The following SCARA5 variants were observed in gnomAD, a reference collection of about 807,000 sequenced individuals.
The protein encoded by SCARA5 is scavenger receptor class A member 5.
SCARA5 carries 45 observed loss-of-function variants against 46.3 expected under a neutral mutation model. The ratio of observed to expected loss-of-function variants is 0.97; its 90% confidence interval spans 0.76 to 1.24. The LOEUF (loss-of-function observed/expected upper bound fraction) is 1.24. SCARA5 is among the 50% of genes most tolerant of loss of function. The pLI, the probability that SCARA5 is intolerant of heterozygous loss-of-function variation, is 0.00. For synonymous variants in SCARA5, 333 were observed against 306.5 expected (o/e 1.09, Z -0.90); for missense variants, 680 against 689.0 (o/e 0.99, Z 0.15).
chr8:27,947,755 A>G (rs964285211), intron 3 of SCARA5, among the ~76,000 whole-genome samples: 4 of 151,112 alleles, frequency 2.6e-5, no homozygotes, highest in Non-Finnish European at 5.9e-5. Flanking sequence ...CATGCCTGTG[A>G]TCCCAGCTAC....
intron 3 of SCARA5, among the ~76,000 whole-genome samples, chr8:27,927,064 G>A (rs530166291): frequency 1.3e-5 from 2 of 152,288 alleles, no homozygotes; most frequent in South Asian, 4.1e-4. Context: ...CCCCAGGGCC[G>A]ATTCAAGGAC....
intron 7 of SCARA5, among the ~76,000 whole-genome samples, chr8:27,886,873 C>A (rs1262923569): frequency 6.6e-6 from 1 of 152,196 alleles, no homozygotes; most frequent in Non-Finnish European, 1.5e-5. Flanking sequence ...CAGCCTCAGC[C>A]TGGTCCGTGA....
At chr8:27,883,418 G>A (rs1186790736) in intron 7 of SCARA5, among the ~76,000 whole-genome samples, 1 of 152,106 alleles carries the variant, frequency 6.6e-6, no homozygotes, top group Non-Finnish European at 1.5e-5. Context: ...CTACTCTTGG[G>A]GGCTATTTCC....
intron 7 of SCARA5, among the ~76,000 whole-genome samples, chr8:27,900,664 T>TA (rs1028282694): frequency 2.6e-5 from 4 of 151,936 alleles, no homozygotes; most frequent in East Asian, 3.9e-4. Context: ...CTGTGGGACT[T>TA]AAAAAAAACC....
At chr8:27,935,070 C>G (rs1807833220) in intron 3 of SCARA5, among the ~76,000 whole-genome samples, 1 of 152,178 alleles carries the variant, frequency 6.6e-6, no homozygotes, top group Non-Finnish European at 1.5e-5. Context: ...CAGCAGCCTC[C>G]AGAAGCTAGC....
chr8:27,885,522 G>A (rs1806881125), intron 7 of SCARA5, among the ~76,000 whole-genome samples: 1 of 152,216 alleles, frequency 6.6e-6, no homozygotes, highest in Non-Finnish European at 1.5e-5. Flanking sequence ...GCAAAGGGAA[G>A]GCATGCATGA....
At chr8:27,910,938 G>C (rs1035669400) in intron 4 of SCARA5, among the ~76,000 whole-genome samples, 1 of 152,216 alleles carries the variant, frequency 6.6e-6, no homozygotes, top group African/African-American at 2.4e-5. Flanking sequence ...ACTCATCTGA[G>C]ACCACACAGG....
chr8:27,938,260 G>A (rs1807888323), intron 3 of SCARA5, among the ~76,000 whole-genome samples: 3 of 152,188 alleles, frequency 2.0e-5, no homozygotes, highest in Non-Finnish European at 4.4e-5. Context: ...AAAATGTCCT[G>A]TGGGGCACAG....
intron 6 of SCARA5, 25 bp from the exon 7 acceptor site, chr8:27,904,859 T>C: frequency 6.4e-7 from 1 of 1,569,708 alleles, no homozygotes; most frequent in Non-Finnish European, 8.7e-7. Flanking sequence ...GAAACTGGCA[T>C]TAGAAATGGA....
chr8:27,941,431 G>A (rs1024257815), intron 3 of SCARA5, among the ~76,000 whole-genome samples: 4 of 152,100 alleles, frequency 2.6e-5, no homozygotes, highest in Non-Finnish European at 4.4e-5. Context: ...AATTAATAAC[G>A]TCTACCTCAT....
rs1173234384 is a variant in SCARA5, at chr8:27,905,700, CTTTTCTTTT to C, written c.1097-875_1097-867del. Among the ~76,000 whole-genome samples the C allele has an allele frequency of 2.7e-4, 18 of 66,764 alleles. No homozygotes were observed. The East Asian group carries it at 5.3e-3, about 20-fold the overall frequency. The allele number at this position is 66,764 out of a possible 152,430, so 43.8% of individuals were successfully genotyped here. ...CTTCTGTGTTGTCTAATTTTCTTTTCTTTTCTTTTTTTTTTTTTTTTTGAGACAGGGTCT... is the reference window on the plus strand; with the variant it reads ...CTTCTGTGTTGTCTAATTTTCTTTTCTTTTTTTTTTTTTGAGACAGGGTCT... On this transcript the variant is annotated intron_variant, in intron 6 of 8. Transcript: ENST00000354914.
At chr8:27,908,307 TCTTGGCCATGAGG>T (rs949538821) in intron 5 of SCARA5, among the ~76,000 whole-genome samples, 48 of 152,296 alleles carry the variant, frequency 3.2e-4, no homozygotes, top group African/African-American at 1.1e-3. Context: ...GCCCCAGGGC[TCTTGGCCATGAGG>T]CCCCTTGGCC....
At chr8:27,914,927 C>T (rs1165100918) in intron 4 of SCARA5, among the ~76,000 whole-genome samples, 2 of 152,196 alleles carry the variant, frequency 1.3e-5, no homozygotes, top group Admixed American at 1.3e-4. Flanking sequence ...CTTCTCCCTT[C>T]CCTGATCCCA....
intron 2 of SCARA5, among the ~76,000 whole-genome samples, chr8:27,984,217 G>C (rs978676647): frequency 1.3e-5 from 2 of 152,110 alleles, no homozygotes; most frequent in African/African-American, 4.8e-5. Flanking sequence ...ATCAAATCTG[G>C]CTTGAATTTC....
chr8:27,913,212 G>A (rs1807405169), intron 4 of SCARA5, among the ~76,000 whole-genome samples: 1 of 152,158 alleles, frequency 6.6e-6, no homozygotes, highest in Non-Finnish European at 1.5e-5. Flanking sequence ...GGTCTTTACT[G>A]GAGATTAACT....
chr8:27,971,538 A>T (rs1808448014), intron 2 of SCARA5, among the ~76,000 whole-genome samples: 1 of 152,240 alleles, frequency 6.6e-6, no homozygotes, highest in South Asian at 2.1e-4. Flanking sequence ...ACACAAGACC[A>T]GAGCGCTGGA....
chr8:27,945,239 T>C (rs980614954), intron 3 of SCARA5, among the ~76,000 whole-genome samples: 2 of 151,644 alleles, frequency 1.3e-5, no homozygotes, highest in South Asian at 2.1e-4. Context: ...CAAATAATAC[T>C]GGTGCCTCCC....
intron 3 of SCARA5, among the ~76,000 whole-genome samples, chr8:27,964,412 A>G (rs185863377): frequency 2.7e-4 from 41 of 152,344 alleles, no homozygotes; most frequent in Admixed American, 4.6e-4. Context: ...TAATGATCAG[A>G]AAAATGCTGG....
chr8:27,912,990 T>G (rs1206182043), intron 4 of SCARA5, among the ~76,000 whole-genome samples: 10 of 152,146 alleles, frequency 6.6e-5, no homozygotes, highest in Admixed American at 6.5e-4. Flanking sequence ...AAGCCTTGAG[T>G]GAGGGGGGCC....
Sources: allele counts gnomAD v4.1 joint callset (sites outside exome capture counted in the v4.1 genomes callset), GRCh38; gene constraint gnomAD v4.1.1; transcripts MANE v1.5; gene names NCBI Gene and HGNC (gene_info 2026-07-23, HGNC 2026-07-21).